The following ACBD5 variants were observed in gnomAD, a reference collection of about 807,000 sequenced individuals.
ACBD5 encodes the protein acyl-CoA-binding domain-containing protein 5.
In ACBD5, 40 loss-of-function variants were observed where a neutral mutation model predicts 71.8. The ratio of observed to expected loss-of-function variants is 0.56; its 90% CI spans 0.43 to 0.72. The LOEUF is 0.72. Ranked by LOEUF, ACBD5 falls within the 30% of genes least tolerant of loss-of-function variation. ACBD5 has a pLI of 0.00. For missense variants in ACBD5, 559 were observed against 644.5 expected (o/e 0.87, Z 1.44); for synonymous variants, 229 against 218.6 (o/e 1.05, Z -0.42).
chr10:27,225,755 G>T (rs2062933575), intron 4 of ACBD5, among the ~76,000 whole-genome samples: 2 of 151,958 alleles, frequency 1.3e-5, no homozygotes, highest in Admixed American at 1.3e-4. Flanking sequence ...AAATGGCAGA[G>T]AAATAATTCA....
intron 7 of ACBD5, among the ~76,000 whole-genome samples, chr10:27,217,142 T>C (rs1278537931): frequency 2.7e-5 from 1 of 37,016 alleles, no homozygotes; most frequent in African/African-American, 1.4e-4. Context: ...CGAGACTCTG[T>C]CTCAAAAAAA....
chr10:27,192,803 G>A (rs1480795055), downstream of ACBD5, among the ~76,000 whole-genome samples: 1 of 151,214 alleles, frequency 6.6e-6, no homozygotes, highest in African/African-American at 2.4e-5. Context: ...CACCCTGTCT[G>A]TACTAAAAAT....
intron 13 of ACBD5, among the ~76,000 whole-genome samples, chr10:27,189,789 A>ATATATATAT (rs200900778): frequency 7.4e-5 from 11 of 147,804 alleles, no homozygotes; most frequent in African/African-American, 2.8e-4. Context: ...TATATATATA[A>ATATATATAT]ATAAACTTTT....
chr10:27,211,004 A>G lies in ACBD5; in HGVS notation c.1014T>C (p.Asn338=). The change falls in exon 9 of 13, where the codon AAT becomes AAC. Residue 338 remains asparagine, a synonymous_variant. Coordinates refer to ENST00000396271, the MANE Select transcript of ACBD5 (RefSeq NM_145698.5). ...LGGHSSQPME[N]SGFREDIQVP... ...CTTGAATATCTTCACGAAATCCAGA[A>G]TTTTCCATGGGTTGACTGGAATGAC... 6.2e-7 allele frequency: 1 copy of G among 1,614,080 alleles called. No individual in the cohort carries two copies. Among genetic ancestry groups the G allele is most frequent in the Non-Finnish European group, 8.5e-7 (1 of 1,180,020 alleles).
At chr10:27,188,858 TA>T (rs1564519219) in intron 13 of ACBD5, among the ~76,000 whole-genome samples, 1 of 152,150 alleles carries the variant, frequency 6.6e-6, no homozygotes, top group African/African-American at 2.4e-5. Flanking sequence ...TGCACGTCTT[TA>T]AAAAACACCA....
Position 27,218,134 on chromosome 10 carries a change from A to G in ACBD5, c.675T>C (p.Ile225=). 2 of 1,614,120 alleles carry G rather than the reference A, an allele frequency of 1.2e-6. No homozygotes were observed. The highest frequency in any genetic ancestry group is 1.7e-6 in the Non-Finnish European group (2 of 1,179,996). The change falls in exon 7 of 13, where the codon ATT becomes ATC. Residue 225 remains isoleucine, a synonymous_variant. Coordinates refer to ENST00000396271, the MANE Select transcript of ACBD5 (RefSeq NM_145698.5). ...KSADHKNLEV[I]VTNGYDKDGF... The stretch of plus-strand genomic sequence containing the variant: ...CATCTTTATCATAGCCATTAGTGAC[A>G]ATGACTTCCAAATTCTTATGGTCTG...
intron 3 of ACBD5, 22 bp from the exon 4 acceptor site, chr10:27,231,842 A>G (rs746676462): frequency 2.5e-6 from 4 of 1,607,382 alleles, no homozygotes; most frequent in Non-Finnish European, 3.4e-6. Flanking sequence ...AGTATCCACA[A>G]AATGACAAAG....
intron 12 of ACBD5, among the ~76,000 whole-genome samples, chr10:27,199,253 C>T (rs1318641198): frequency 3.3e-5 from 5 of 151,006 alleles, no homozygotes; most frequent in Admixed American, 1.3e-4. Flanking sequence ...CAGTGGCGCG[C>T]GACCTCGGCT....
At chr10:27,208,214 C>A (rs2060673075) in intron 10 of ACBD5, 32 bp downstream of exon 10, 1 of 1,606,128 alleles carries the variant, frequency 6.2e-7, no homozygotes. Flanking sequence ...AATCAATAAG[C>A]ACAAGAAGGT....
rs143084262 is a variant in ACBD5, at chr10:27,234,881, G to A, written c.302+211C>T. 0.079 allele frequency among the ~76,000 whole-genome samples: 11,985 copies of A among 152,130 alleles called. 1,544 individuals carry two copies. Among genetic ancestry groups the A allele is most frequent in the African/African-American group, 0.27 (11,165 of 41,436 alleles). On this transcript the variant is annotated intron_variant, in intron 3 of 12. Coordinates refer to ENST00000396271, the MANE Select transcript of ACBD5 (RefSeq NM_145698.5). ...CAGGAGGCAGAGGCTGCAGTGAGCC[G>A]AGATCCTGCCACTGCACTCCAGCCT...
intron 12 of ACBD5, among the ~76,000 whole-genome samples, chr10:27,201,704 G>A (rs1488470617): frequency 6.6e-6 from 1 of 152,164 alleles, no homozygotes. Context: ...TCAGGAGGCT[G>A]AGGCAGGAAA....
At chr10:27,211,396 C>A (rs574779108) in intron 8 of ACBD5, among the ~76,000 whole-genome samples, 1 of 152,280 alleles carries the variant, frequency 6.6e-6, no homozygotes, top group East Asian at 1.9e-4. Flanking sequence ...TCTCGGCTCA[C>A]TGCAACCTCC....
chr10:27,238,455 A>G (rs1204562896), intron 2 of ACBD5, among the ~76,000 whole-genome samples: 1 of 152,250 alleles, frequency 6.6e-6, no homozygotes, highest in Non-Finnish European at 1.5e-5. Context: ...AAGAAAGTAT[A>G]AACATACTAC....
At chr10:27,227,464 C>T (rs2063229524) in intron 4 of ACBD5, among the ~76,000 whole-genome samples, 1 of 152,174 alleles carries the variant, frequency 6.6e-6, no homozygotes, top group Non-Finnish European at 1.5e-5. Context: ...CTCAGTCTCC[C>T]AAGCACTTCT....
At chr10:27,224,121 G>A (rs1404949220) in intron 4 of ACBD5, among the ~76,000 whole-genome samples, 1 of 151,476 alleles carries the variant, frequency 6.6e-6, no homozygotes, top group Non-Finnish European at 1.5e-5. Flanking sequence ...CCAGCACTTT[G>A]GCAGGCCAAA....
At chr10:27,206,097 T>C (rs892931724) in intron 10 of ACBD5, among the ~76,000 whole-genome samples, 4 of 151,916 alleles carry the variant, frequency 2.6e-5, no homozygotes, top group African/African-American at 9.7e-5. Context: ...ACACAGGGTC[T>C]TGCCATGCTG....
At chr10:27,225,033 A>G (rs1329763106) in intron 4 of ACBD5, among the ~76,000 whole-genome samples, 1 of 151,558 alleles carries the variant, frequency 6.6e-6, no homozygotes, top group Non-Finnish European at 1.5e-5. Context: ...TCTGTTTCCA[A>G]AAAAAAAGAT....
At chr10:27,226,632 T>G (rs2063063897) in intron 4 of ACBD5, among the ~76,000 whole-genome samples, 1 of 103,290 alleles carries the variant, frequency 9.7e-6, no homozygotes, top group Non-Finnish European at 2.0e-5. Flanking sequence ...ATTCGTAAAC[T>G]TTCTTTTTTT....
At chr10:27,231,971 A>C (rs1443627826) in intron 3 of ACBD5, 151 bp from the exon 4 acceptor site, 1 of 726,598 alleles carries the variant, frequency 1.4e-6, no homozygotes, top group African/African-American at 1.8e-5. Context: ...ACCATGAAGA[A>C]AATTATCACA....
Sources: allele counts gnomAD v4.1 joint callset (sites outside exome capture counted in the v4.1 genomes callset), GRCh38; gene constraint gnomAD v4.1.1; transcripts MANE v1.5; gene names NCBI Gene and HGNC (gene_info 2026-07-23, HGNC 2026-07-21).